Variants in RBFOX1 observed in about 807,000 individuals in gnomAD.
RBFOX1 encodes the protein RNA binding protein fox-1 homolog 1.
RBFOX1 carries 8 observed loss-of-function variants against 57.7 expected under a neutral mutation model. That is an observed-to-expected ratio of 0.14 (90% CI 0.08 to 0.25). The LOEUF (loss-of-function observed/expected upper bound fraction) is 0.25. Ranked by LOEUF, RBFOX1 falls within the 10% of genes least tolerant of loss-of-function variation. The pLI, the probability that RBFOX1 is intolerant of heterozygous loss-of-function variation, is 1.00. For synonymous variants in RBFOX1, 326 were observed against 222.4 expected (o/e 1.47, Z -4.15); for missense variants, 611 against 548.5 (o/e 1.11, Z -1.14).
At chr16:6,570,151 G>C (rs547743568) in intron 2 of RBFOX1, among the ~76,000 whole-genome samples, 1 of 152,190 alleles carries the variant, frequency 6.6e-6, no homozygotes, top group East Asian at 1.9e-4. Flanking sequence ...CACTAATTTC[G>C]TTATATATTA....
chr16:6,732,510 G>A (rs551489659), intron 3 of RBFOX1, among the ~76,000 whole-genome samples: 5 of 152,190 alleles, frequency 3.3e-5, no homozygotes, highest in African/African-American at 4.8e-5. Flanking sequence ...GCTTAGGATC[G>A]TAATCTAGAA....
chr16:6,121,772 C>G (rs146393780), intron 1 of RBFOX1, among the ~76,000 whole-genome samples: 2 of 152,184 alleles, frequency 1.3e-5, no homozygotes, highest in Non-Finnish European at 2.9e-5. Flanking sequence ...TGATCTCTCT[C>G]AGACTGTTTC....
intron 3 of RBFOX1, among the ~76,000 whole-genome samples, chr16:5,650,253 G>T (rs1305628785): frequency 1.3e-5 from 2 of 152,156 alleles, no homozygotes. Context: ...GACTCTGATG[G>T]CCTCGGGAGA....
chr16:5,846,522 A>T (rs4238865), intron 3 of RBFOX1, among the ~76,000 whole-genome samples: 2 of 152,152 alleles, frequency 1.3e-5, no homozygotes, highest in Non-Finnish European at 2.9e-5. Context: ...TCTTCCCCCA[A>T]CTGGGTAGAT....
At chr16:7,562,541 T>C (rs1325584688) in intron 5 of RBFOX1, among the ~76,000 whole-genome samples, 2 of 152,024 alleles carry the variant, frequency 1.3e-5, no homozygotes, top group African/African-American at 4.8e-5. Context: ...CCAAGTAACC[T>C]AGGAATGTGG....
chr16:7,672,885 A>AAAAAAAAAAAAAAAAAAAAAAT (rs1435317715), intron 13 of RBFOX1, among the ~76,000 whole-genome samples: 1 of 150,084 alleles, frequency 6.7e-6, no homozygotes, highest in Non-Finnish European at 1.5e-5. Flanking sequence ...AAAAAAAAAA[A>AAAAAAAAAAAAAAAAAAAAAAT]AAAGAACATA....
intron 4 of RBFOX1, among the ~76,000 whole-genome samples, chr16:7,457,769 GGTT>G (rs1436176199): frequency 6.6e-6 from 1 of 151,988 alleles, no homozygotes; most frequent in Non-Finnish European, 1.5e-5. Context: ...CAGTCTGGAA[GGTT>G]CTTCTTACGA....
chr16:6,823,744 A>G (rs2091712216), intron 3 of RBFOX1, among the ~76,000 whole-genome samples: 8 of 152,126 alleles, frequency 5.3e-5, no homozygotes, highest in Admixed American at 5.2e-4. Flanking sequence ...TGAAATTTTG[A>G]ATGTTAAATA....
intron 4 of RBFOX1, among the ~76,000 whole-genome samples, chr16:7,271,560 G>C (rs1287143318): frequency 1.3e-5 from 2 of 152,002 alleles, no homozygotes; most frequent in Non-Finnish European, 2.9e-5. Flanking sequence ...ATAATAACTA[G>C]AAGCTCGATG....
At chr16:7,118,729 G>A (rs2066465421) in intron 4 of RBFOX1, among the ~76,000 whole-genome samples, 1 of 152,126 alleles carries the variant, frequency 6.6e-6, no homozygotes, top group Non-Finnish European at 1.5e-5. Context: ...GGGGATCATG[G>A]TGAGAAGAAT....
At position 7,710,987 on chromosome 16, in the gene RBFOX1, T is replaced by C. The variant is rs142870305; in HGVS notation, c.*242T>C. 827 of 436,302 alleles carry C rather than the reference T, an allele frequency of 1.9e-3. 8 individuals carry two copies. In the East Asian group the frequency reaches 0.031, roughly 16 times the overall value. The allele number at this position is 436,302 out of a possible 1,614,324, so 27.0% of individuals were successfully genotyped here. ...GTTTGGTTGCTGGCTGTAGGAGTTT[T>C]TGTGGTTGATCTAGACAGATGCTAG... On this transcript the variant is annotated 3_prime_UTR_variant, in exon 16 of 16. Transcript: ENST00000550418.
At chr16:7,048,552 C>G (rs151018298) in intron 3 of RBFOX1, among the ~76,000 whole-genome samples, 102 of 152,358 alleles carry the variant, frequency 6.7e-4, no homozygotes, top group African/African-American at 2.2e-3. Flanking sequence ...AGCCACCGCG[C>G]CCAGCTCCTT....
rs1430331422 is a variant in RBFOX1, at chr16:5,856,187, C to CTCTA, written c.319-11115_319-11114insCTAT. On this transcript the variant is annotated intron_variant, in intron 3 of 19. Transcript: ENST00000641259. ...TCTCTCTCTCTCTCTCTCTCTCTCT[C>CTCTA]TATATATATATATATATATACATAT... is the stretch of plus-strand genomic sequence containing the variant. 5.2e-3 allele frequency among the ~76,000 whole-genome samples: 161 copies of CTCTA among 31,054 alleles called. 2 individuals are homozygous for CTCTA. The highest frequency in any genetic ancestry group is 0.024 in the Middle Eastern group (1 of 42). 20.4% of individuals were successfully genotyped at this position (31,054 alleles called of 152,430 possible).
intron 4 of RBFOX1, among the ~76,000 whole-genome samples, chr16:7,433,669 T>C (rs2098699954): frequency 6.6e-6 from 1 of 152,216 alleles, no homozygotes; most frequent in Non-Finnish European, 1.5e-5. Flanking sequence ...GTATCAGAGA[T>C]AGAAAAATTC....
chr16:5,338,810 C>T (rs2064963259), intron 1 of RBFOX1, among the ~76,000 whole-genome samples: 1 of 152,090 alleles, frequency 6.6e-6, no homozygotes, highest in South Asian at 2.1e-4. Flanking sequence ...GTGGTTGCTA[C>T]CACACCTGCC....
chr16:5,513,369 AATC>A (rs2043675620), intron 2 of RBFOX1, among the ~76,000 whole-genome samples: 1 of 151,994 alleles, frequency 6.6e-6, no homozygotes, highest in Admixed American at 6.6e-5. Flanking sequence ...GTGCCCCTTT[AATC>A]ATGTCATATC....
chr16:5,245,976 G>A (rs1456898947), intron 1 of RBFOX1, among the ~76,000 whole-genome samples: 2 of 152,138 alleles, frequency 1.3e-5, no homozygotes, highest in Non-Finnish European at 1.5e-5. Context: ...GGGCCCAGTG[G>A]CTCACACCTG....
chr16:6,888,303 G>A (rs185341623), intron 3 of RBFOX1, among the ~76,000 whole-genome samples: 66 of 152,308 alleles, frequency 4.3e-4, no homozygotes, highest in African/African-American at 1.5e-3. Flanking sequence ...TCCTGCTCTT[G>A]AAAGTAGTTA....
intron 3 of RBFOX1, among the ~76,000 whole-genome samples, chr16:6,722,848 C>T (rs1417497162): frequency 6.6e-6 from 1 of 152,154 alleles, no homozygotes; most frequent in Non-Finnish European, 1.5e-5. Context: ...AGTAAGAAAT[C>T]CAAATGTAGC....
Sources: gnomAD v4.1 joint callset for allele counts (sites outside exome capture counted in the v4.1 genomes callset) on GRCh38, gnomAD v4.1.1 for gene constraint, MANE v1.5 for transcripts, NCBI Gene and HGNC (gene_info 2026-07-23, HGNC 2026-07-21) for gene names.